Variants in EEA1 observed in about 807,000 individuals in gnomAD.
EEA1 encodes the protein early endosome antigen 1, 162kD.
EEA1 carries 111 observed loss-of-function variants against 209.2 expected under a neutral mutation model. The ratio of observed to expected loss-of-function variants is 0.53; its 90% CI spans 0.45 to 0.62. The LOEUF is 0.62. EEA1 is among the 20% of genes least tolerant of loss of function. The pLI is 0.00. For missense variants in EEA1, 1,343 were observed against 1,530.8 expected (o/e 0.88, Z 2.05); for synonymous variants, 536 against 540.6 (o/e 0.99, Z 0.12).
At chr12:92,852,860 C>T (rs1159340381) in intron 7 of EEA1, 52 bp downstream of exon 7, 18 of 1,338,922 alleles carry the variant, frequency 1.3e-5, no homozygotes, top group Non-Finnish European at 1.8e-5. Context: ...TATATAATGG[C>T]AAAAAGGTAA....
intron 3 of EEA1, among the ~76,000 whole-genome samples, chr12:92,861,562 C>A (rs968904162): frequency 6.6e-6 from 1 of 152,146 alleles, no homozygotes; most frequent in Non-Finnish European, 1.5e-5. Flanking sequence ...TCCAAAGGAA[C>A]TTTGTGATGT....
intron 21 of EEA1, among the ~76,000 whole-genome samples, chr12:92,796,617 T>TTA (rs1874663562): frequency 6.6e-6 from 1 of 152,176 alleles, no homozygotes; most frequent in Admixed American, 6.5e-5. Flanking sequence ...TTTTTATGTT[T>TTA]TATATATATA....
rs959323350 is a variant in EEA1, at chr12:92,872,334, C to T, written c.118-7347G>A. ...AAGGTACTGGGATTACAGGCGTGGG[C>T]CACCACGCCCAGCCGAGATCAAGAA... On this transcript the variant is annotated intron_variant, in intron 2 of 28. Coordinates refer to ENST00000322349, the MANE Select transcript of EEA1 (RefSeq NM_003566.4). Among the ~76,000 whole-genome samples the T allele has an allele frequency of 4.6e-5, 7 of 152,172 alleles. No individual in the cohort carries two copies. In the East Asian group the frequency reaches 1.3e-3, roughly 29 times the overall value.
chr12:92,815,244 G>T (rs1875721587), intron 15 of EEA1, among the ~76,000 whole-genome samples: 1 of 152,166 alleles, frequency 6.6e-6, no homozygotes, highest in Non-Finnish European at 1.5e-5. Flanking sequence ...GCTGGAACTA[G>T]TTCTGAAATG....
chr12:92,801,328 T>C (rs968219536), intron 20 of EEA1, among the ~76,000 whole-genome samples: 1 of 152,044 alleles, frequency 6.6e-6, no homozygotes, highest in Admixed American at 6.6e-5. Context: ...TATTTCTTTA[T>C]TTGGGTCTTT....
At chr12:92,854,007 T>C in intron 5 of EEA1, 53 bp from the exon 6 acceptor site, 1 of 1,380,206 alleles carries the variant, frequency 7.2e-7, no homozygotes, top group Non-Finnish European at 9.9e-7. Context: ...AAGATAATAC[T>C]GTTAAAATGG....
chr12:92,813,282 C>A (rs916720024), intron 15 of EEA1, among the ~76,000 whole-genome samples, 189 bp from the exon 16 acceptor site: 2 of 152,052 alleles, frequency 1.3e-5, no homozygotes, highest in African/African-American at 4.8e-5. Context: ...GAGAAGACTC[C>A]TAATAATGCT....
At chr12:92,883,367 T>C (rs929541561) in intron 2 of EEA1, among the ~76,000 whole-genome samples, 1 of 152,318 alleles carries the variant, frequency 6.6e-6, no homozygotes, top group African/African-American at 2.4e-5. Flanking sequence ...CTGCAGGCTA[T>C]CTCTTAACTC....
At chr12:92,809,271 T>G in intron 17 of EEA1, 115 bp from the exon 18 acceptor site, 1 of 636,902 alleles carries the variant, frequency 1.6e-6, no homozygotes, top group Non-Finnish European at 2.3e-6. Context: ...AAAAAAAAAT[T>G]TATTATAATA....
At chr12:92,794,107 C>T (rs1222978364) in intron 21 of EEA1, among the ~76,000 whole-genome samples, 2 of 152,172 alleles carry the variant, frequency 1.3e-5, no homozygotes, top group Non-Finnish European at 2.9e-5. Context: ...GACATCTATG[C>T]AGCCAACAGA....
intron 9 of EEA1, among the ~76,000 whole-genome samples, chr12:92,842,844 T>C (rs952005724): frequency 4.6e-5 from 7 of 152,218 alleles, no homozygotes; most frequent in Non-Finnish European, 8.8e-5. Flanking sequence ...GTTTCTGAAG[T>C]ATCAAATTGC....
intron 1 of EEA1, among the ~76,000 whole-genome samples, chr12:92,900,435 T>TG (rs61262165): frequency 0.11 from 9,281 of 84,424 alleles, 306 homozygotes; most frequent in Middle Eastern, 0.16. Context: ...TTACTGTGTG[T>TG]TTTTTTTTTT....
chr12:92,880,449 C>T (rs1185763174), intron 2 of EEA1, among the ~76,000 whole-genome samples: 1 of 152,136 alleles, frequency 6.6e-6, no homozygotes, highest in African/African-American at 2.4e-5. Flanking sequence ...GGATTACACG[C>T]ACACGCCACA....
At chr12:92,829,616 T>C (rs1418583133) in intron 11 of EEA1, among the ~76,000 whole-genome samples, 6 of 151,508 alleles carry the variant, frequency 4.0e-5, no homozygotes, top group Non-Finnish European at 7.4e-5. Context: ...CCATATCTAC[T>C]GAAATACAGA....
At chr12:92,808,333 T>A (rs1445673210) in intron 18 of EEA1, among the ~76,000 whole-genome samples, 3 of 152,186 alleles carry the variant, frequency 2.0e-5, no homozygotes, top group Admixed American at 2.0e-4. Flanking sequence ...TGATTAAAAC[T>A]CAAAGTACAT....
intron 2 of EEA1, among the ~76,000 whole-genome samples, chr12:92,869,736 C>A (rs1878550102): frequency 9.7e-6 from 1 of 102,584 alleles, no homozygotes; most frequent in African/African-American, 3.8e-5. Flanking sequence ...CTGGGTGACA[C>A]AGTGAGATTC....
At chr12:92,923,954 T>TA (rs1021615459) in intron 1 of EEA1, among the ~76,000 whole-genome samples, 1 of 151,788 alleles carries the variant, frequency 6.6e-6, no homozygotes, top group African/African-American at 2.4e-5. Flanking sequence ...AACACCATTT[T>TA]AAAAAAATCA....
chr12:92,921,866 C>CA (rs756583756), intron 1 of EEA1, among the ~76,000 whole-genome samples: 10,941 of 83,308 alleles, frequency 0.13, 920 homozygotes, highest in Middle Eastern at 0.16. Context: ...GACTCTGTCT[C>CA]AAAAAAAAAA....
In EEA1 at chr12:92,780,328, G is replaced by T. The variant is rs1873851129; in HGVS notation, c.3420C>A (p.Ile1140=). ...ACTTGAGTTCTTCGTTTAGTTTAGT[G>T]ATTTCTTTTTCTTGTCTACATTTAA... ...EEIKCRQEKE[I]TKLNEELKSH... is the part of the protein sequence containing the mutation. The change falls in exon 24 of 29, where the codon ATC becomes ATA. Residue 1140 remains isoleucine (I), a synonymous_variant. Transcript: ENST00000322349. The T allele has an allele frequency of 6.2e-7, 1 of 1,603,748 alleles. No individual in the cohort carries two copies. The highest frequency in any genetic ancestry group is 1.3e-5 in the African/African-American group (1 of 74,260).
Sources: gnomAD v4.1 joint callset for allele counts (sites outside exome capture counted in the v4.1 genomes callset) on GRCh38, gnomAD v4.1.1 for gene constraint, MANE v1.5 for transcripts, NCBI Gene and HGNC (gene_info 2026-07-23, HGNC 2026-07-21) for gene names.